The following KATNIP variants were observed in gnomAD, a reference collection of about 807,000 sequenced individuals.
The protein encoded by KATNIP is katanin-interacting protein.
KATNIP carries 126 observed loss-of-function variants against 174.0 expected under a neutral mutation model. The observed-to-expected ratio is 0.72, with a 90% CI of 0.63 to 0.84. The LOEUF is 0.84. Among genes scored for constraint, KATNIP ranks in the 40% least tolerant of loss-of-function variants. The pLI is 0.00. For missense variants in KATNIP, 1,958 were observed against 2,109.7 expected, an observed-to-expected ratio of 0.93 and a Z score of 1.41; for synonymous variants, 810 against 835.7, an observed-to-expected ratio of 0.97 and a Z score of 0.53.
At chr16:27,592,485 G>A (rs938493338) in intron 2 of KATNIP, among the ~76,000 whole-genome samples, 2 of 151,782 alleles carry the variant, frequency 1.3e-5, no homozygotes, top group Non-Finnish European at 1.5e-5. Flanking sequence ...GGATGTGGTG[G>A]TACGCACCTG....
chr16:27,605,390 G>C (rs1365133217), intron 2 of KATNIP, among the ~76,000 whole-genome samples: 1 of 152,186 alleles, frequency 6.6e-6, no homozygotes, highest in Non-Finnish European at 1.5e-5. Flanking sequence ...AGCTATGTAA[G>C]AAAAACATTT....
rs377267468 is a variant in KATNIP, at chr16:27,777,043, A to C, written c.4551+14A>C. The C allele has an allele frequency of 6.5e-6, 10 of 1,540,854 alleles. No homozygotes were observed. Among genetic ancestry groups the C allele is most frequent in the Non-Finnish European group, 8.9e-6 (10 of 1,117,530 alleles). ...AAGGAGTTTGGCGTAAGTACTTATT[A>C]GCTGAGTTTTTTGAGATAATTATGC... On this transcript the variant is annotated intron_variant, in intron 25 of 27. Transcript: ENST00000261588. This position sits in a 1 kb window ranked among gnomAD's most constrained non-coding sequence, Gnocchi z 4.4.
At chr16:27,685,985 G>T (rs1394257658) in intron 8 of KATNIP, among the ~76,000 whole-genome samples, 2 of 152,220 alleles carry the variant, frequency 1.3e-5, no homozygotes, top group Non-Finnish European at 2.9e-5. Flanking sequence ...GTAAGCCCAA[G>T]ACAGTCTGTC....
At position 27,763,619 on chromosome 16, in the gene KATNIP, CAAAA is replaced by C. The variant is rs565418198; in HGVS notation, c.3809+2045_3809+2048del. On this transcript the variant is annotated intron_variant, in intron 19 of 27. Coordinates refer to ENST00000261588, the MANE Select transcript of KATNIP (RefSeq NM_015202.5). Reference sequence around the variant, plus strand: ...AACAGAGCGGGACCCTGTCTCAACACAAAAAAAAAAAAAAAAAAAGAAAGAAAGA... The same window carrying C: ...AACAGAGCGGGACCCTGTCTCAACACAAAAAAAAAAAAAAAGAAAGAAAGA... 5.2e-3 allele frequency among the ~76,000 whole-genome samples: 262 copies of C among 50,696 alleles called. 2 individuals are homozygous for C. Among genetic ancestry groups the C allele is most frequent in the South Asian group, 0.02 (29 of 1,440 alleles). The allele number at this position is 50,696 out of a possible 152,430, so 33.3% of individuals were successfully genotyped here.
At position 27,740,051 on chromosome 16, in the gene KATNIP, T is replaced by C. The variant is rs534930295; in HGVS notation, c.1754T>C (p.Ile585Thr). 4.5e-5 allele frequency: 72 copies of C among 1,611,006 alleles called. No homozygotes were observed. The highest frequency in any genetic ancestry group is 1.8e-4 in the South Asian group (16 of 90,804). The change falls in exon 15 of 28, where the codon ATT becomes ACT. Residue 585 changes from isoleucine to threonine, a missense_variant. Physicochemically the swap from Ile to Thr is moderately conservative, Grantham distance 89. Transcript: ENST00000261588. ...NYWTADGDLD[I>T]GAKNVKLYVN... ...ATCTTATGGTTTCAGGATCTTGACA[T>C]TGGTGCCAAGAACGTGAAGCTTTAC...
At chr16:27,649,183 C>T (rs902739472) in intron 6 of KATNIP, among the ~76,000 whole-genome samples, 2 of 152,246 alleles carry the variant, frequency 1.3e-5, no homozygotes, top group Non-Finnish European at 2.9e-5. Context: ...TGTATACATG[C>T]ACCTGATAAA....
rs948503553 is a variant in KATNIP at position 27,751,762 on chromosome 16, T to C, written c.3390T>C (p.Asp1130=). The change falls in exon 17 of 28, where the codon GAT becomes GAC. Residue 1130 remains aspartate (D), a synonymous_variant. Transcript: ENST00000261588. ...FGDTILFTTD[D]DILEAIFYSD... ...ACACGATCTTATTCACAACCGATGA[T>C]GACATTCTCGAGGCCATATTCTATT... 3 of 1,614,122 alleles carry C rather than the reference T, an allele frequency of 1.9e-6. No individual in the cohort carries two copies. Among genetic ancestry groups the C allele is most frequent in the Non-Finnish European group, 2.5e-6 (3 of 1,180,052 alleles).
At chr16:27,763,631 AAAAAAAAG>A in intron 19 of KATNIP, among the ~76,000 whole-genome samples, 1 of 150,822 alleles carries the variant, frequency 6.6e-6, no homozygotes, top group Middle Eastern at 3.4e-3. Flanking sequence ...AAAAAAAAAA[AAAAAAAAG>A]AAAGAAAGAA....
chr16:27,573,242 A>G (rs552182514), intron 1 of KATNIP, among the ~76,000 whole-genome samples: 1 of 152,400 alleles, frequency 6.6e-6, no homozygotes, highest in Non-Finnish European at 1.5e-5. Context: ...AAAGCAATCC[A>G]TTAATTTTGC....
chr16:27,625,184 A>T (rs139439453), intron 3 of KATNIP, among the ~76,000 whole-genome samples: 292 of 152,284 alleles, frequency 1.9e-3, no homozygotes, highest in African/African-American at 6.6e-3. Context: ...GCAGTAGGGG[A>T]GTTCCTTTAG....
chr16:27,757,407 G>C (rs2081777231), intron 18 of KATNIP: 1 of 742,910 alleles, frequency 1.3e-6, no homozygotes, highest in African/African-American at 1.9e-5. Flanking sequence ...TCCAGAGCGG[G>C]TCAGAGTGTG....
chr16:27,761,400 C>G lies in KATNIP; in HGVS notation c.3632-13C>G. ...CCTCTGGTGCTAATGGGCCACTTCT[C>G]TTCCTGTTGCAGGCCTTCAGCTGAA... is the stretch of plus-strand genomic sequence containing the variant. On this transcript the variant is annotated splice_polypyrimidine_tract_variant and intron_variant, in intron 18 of 27. Transcript: ENST00000261588. The G allele has an allele frequency of 6.2e-7, 1 of 1,600,932 alleles. No individual in the cohort carries two copies. Among genetic ancestry groups the G allele is most frequent in the Admixed American group, 1.8e-5 (1 of 57,132 alleles).
intron 2 of KATNIP, among the ~76,000 whole-genome samples, chr16:27,589,403 A>T (rs1018988045): frequency 6.6e-6 from 1 of 152,228 alleles, no homozygotes; most frequent in African/African-American, 2.4e-5. Context: ...AGCCATAGTC[A>T]ATATGTAAAT....
At position 27,773,201 on chromosome 16, in the gene KATNIP, C is replaced by G; in HGVS notation, c.4301C>G (p.Ser1434Trp). 1 of 1,605,358 alleles carries G rather than the reference C, an allele frequency of 6.2e-7. No homozygotes were observed. ...YDERGEKIPL[S>W]ENNIAAFPDS... is the part of the protein sequence containing the mutation. ...GAGCGAGGAGAAAAAATCCCCTTGTCGGAAAACAGTATCCTTTGTAGGACA... is the reference window on the plus strand; with the variant it reads ...GAGCGAGGAGAAAAAATCCCCTTGTGGGAAAACAGTATCCTTTGTAGGACA... Residue 1434 changes from serine (S) to tryptophan (W), a missense_variant, in exon 23 of 28, where the codon TCG (serine) becomes TGG (tryptophan). Around this residue, in one of 3 missense-constraint regions of KATNIP, gnomAD observed 383 missense variants for 456.0 expected, o/e 0.84. Coordinates refer to ENST00000261588, the MANE Select transcript of KATNIP (RefSeq NM_015202.5).
At chr16:27,754,119 G>T in intron 17 of KATNIP, 54 bp from the exon 18 acceptor site, 1 of 1,433,676 alleles carries the variant, frequency 7.0e-7, no homozygotes, top group Non-Finnish European at 9.8e-7. Flanking sequence ...AGCTAGCTGT[G>T]TGGGTATCAC....
rs1249414736 is a variant in KATNIP at position 27,776,191 on chromosome 16, C to T, written c.4450-737C>T. On this transcript the variant is annotated intron_variant, in intron 24 of 27. Transcript: ENST00000261588. The surrounding 1 kb of genome is among the most constrained non-coding windows in gnomAD (Gnocchi z 4.7). ...GAGGCTGGCCCTACCCGAGCAGCCG[C>T]ACTCCCTCTTGGCATATTCTGAGGA... 6.6e-6 allele frequency among the ~76,000 whole-genome samples: 1 copy of T among 152,162 alleles called. No homozygotes were observed. Among genetic ancestry groups the T allele is most frequent in the Non-Finnish European group, 1.5e-5 (1 of 68,030 alleles).
At chr16:27,702,934 A>C (rs2079154275) in intron 11 of KATNIP, among the ~76,000 whole-genome samples, 1 of 152,196 alleles carries the variant, frequency 6.6e-6, no homozygotes, top group Admixed American at 6.5e-5. Flanking sequence ...ACGGAGGCCC[A>C]GGTGGGCAAA....
intron 6 of KATNIP, among the ~76,000 whole-genome samples, chr16:27,652,359 G>A (rs1314768849): frequency 1.3e-5 from 2 of 152,150 alleles, no homozygotes; most frequent in Non-Finnish European, 2.9e-5. Context: ...AAAGATACGG[G>A]ATTCTCCTTA....
At chr16:27,743,664 G>A (rs150657275) in intron 15 of KATNIP, among the ~76,000 whole-genome samples, 9 of 152,232 alleles carry the variant, frequency 5.9e-5, no homozygotes, top group South Asian at 2.1e-4. Flanking sequence ...GTCCAGGCAC[G>A]TTACCCAAAT....
Sources: gnomAD v4.1 joint callset for allele counts (sites outside exome capture counted in the v4.1 genomes callset) on GRCh38, gnomAD v4.1.1 for gene constraint, gnomAD v4.1.1 regional missense constraint, Gnocchi (gnomAD v3.1) non-coding constraint, MANE v1.5 for transcripts, NCBI Gene and HGNC (gene_info 2026-07-23, HGNC 2026-07-21) for gene names.